Variants in MEF2A observed in about 807,000 individuals in gnomAD.
MEF2A encodes the protein myocyte enhancer factor 2A, also known as myocyte-specific enhancer factor 2A.
MEF2A carries 28 observed loss-of-function variants against 55.8 expected under a neutral mutation model. The ratio of observed to expected loss-of-function variants is 0.50; its 90% CI spans 0.37 to 0.69. MEF2A has a LOEUF of 0.69. Ranked by LOEUF, MEF2A falls within the 30% of genes least tolerant of loss-of-function variation. The pLI is 0.00. For synonymous variants in MEF2A, 239 were observed against 227.1 expected (o/e 1.05, Z -0.47); for missense variants, 528 against 626.2 (o/e 0.84, Z 1.67).
intron 2 of MEF2A, among the ~76,000 whole-genome samples, chr15:99,610,980 G>A (rs1224607721): frequency 6.6e-6 from 1 of 152,258 alleles, no homozygotes; most frequent in Non-Finnish European, 1.5e-5. Flanking sequence ...GTTGGCTCAT[G>A]CCTATAATCC....
At position 99,712,999 on chromosome 15, in the gene MEF2A, C is replaced by T; in HGVS notation, c.*228C>T. ...CTTGTAGGTCTGCAGATGTGTGTCCCATGGCAGACAAAGCACCCTGTAGGC... is the reference window on the plus strand; with the variant it reads ...CTTGTAGGTCTGCAGATGTGTGTCCTATGGCAGACAAAGCACCCTGTAGGC... On this transcript the variant is annotated 3_prime_UTR_variant, in exon 12 of 12. Coordinates refer to ENST00000557942, the MANE Select transcript of MEF2A (RefSeq NM_001319206.4). This position sits in a 1 kb window ranked among gnomAD's most constrained non-coding sequence, Gnocchi z 4.1. The T allele has an allele frequency of 1.8e-6, 1 of 554,424 alleles. No individual in the cohort carries two copies. The highest frequency in any genetic ancestry group is 3.2e-5 in the Admixed American group (1 of 31,316). The allele number at this position is 554,424 out of a possible 1,614,324, so 34.3% of individuals were successfully genotyped here.
At chr15:99,610,751 T>C (rs970382048) in intron 2 of MEF2A, among the ~76,000 whole-genome samples, 1 of 152,186 alleles carries the variant, frequency 6.6e-6, no homozygotes, top group African/African-American at 2.4e-5. Context: ...TTCAGACCTC[T>C]AACACTATAT....
At chr15:99,703,417 A>G in intron 9 of MEF2A, 32 bp downstream of exon 9, 1 of 1,585,900 alleles carries the variant, frequency 6.3e-7, no homozygotes, top group Non-Finnish European at 8.6e-7. Context: ...AAGGAAGTTG[A>G]AAAAGATGTA....
intron 8 of MEF2A, among the ~76,000 whole-genome samples, chr15:99,702,261 CCTT>C (rs1330564134): frequency 2.0e-5 from 3 of 152,158 alleles, no homozygotes; most frequent in Admixed American, 6.5e-5. Flanking sequence ...TACAGAGAAA[CCTT>C]CTTCCAGATT....
At chr15:99,577,969 CTT>C (rs1415709920) in intron 1 of MEF2A, among the ~76,000 whole-genome samples, 1 of 152,154 alleles carries the variant, frequency 6.6e-6, no homozygotes, top group Non-Finnish European at 1.5e-5. Context: ...ATGTCACTGT[CTT>C]ATTACTAATG....
intron 8 of MEF2A, among the ~76,000 whole-genome samples, chr15:99,697,920 A>G (rs1370383152): frequency 2.0e-5 from 3 of 152,214 alleles, no homozygotes; most frequent in Non-Finnish European, 4.4e-5. Flanking sequence ...ATTTACACCT[A>G]TACGTATATA....
At chr15:99,672,999 G>A (rs2051175684) in intron 5 of MEF2A, among the ~76,000 whole-genome samples, 1 of 152,132 alleles carries the variant, frequency 6.6e-6, no homozygotes, top group Non-Finnish European at 1.5e-5. Context: ...CTTTGTGGAT[G>A]TGCTTGTGTG....
intron 1 of MEF2A, among the ~76,000 whole-genome samples, chr15:99,572,013 G>GTTTTTTTTTTTTTTTTTTTTTTTTT (rs36027608): frequency 3.9e-5 from 5 of 128,374 alleles, no homozygotes; most frequent in African/African-American, 5.7e-5. Context: ...CTCCATAGAA[G>GTTTTTTTTTTTTTTTTTTTTTTTTT]TTTTTTTTTT....
intron 3 of MEF2A, among the ~76,000 whole-genome samples, chr15:99,640,882 C>T (rs891766232): frequency 1.3e-5 from 2 of 152,098 alleles, no homozygotes; most frequent in Non-Finnish European, 2.9e-5. Context: ...TCTGTGTTAT[C>T]TTTCAACCTT....
intron 3 of MEF2A, among the ~76,000 whole-genome samples, chr15:99,635,131 C>G (rs2043561294): frequency 6.6e-6 from 1 of 152,122 alleles, no homozygotes; most frequent in South Asian, 2.1e-4. Context: ...AATATATAGC[C>G]TACATAGGAG....
At position 99,692,590 on chromosome 15, in the gene MEF2A, CTG is replaced by C. The variant is rs780661435; in HGVS notation, c.858+2167_858+2168del. ...GGAGGCCAGGTGTACACTGACAGAA[CTG>C]TGTGAAACTCCTGGGGGCCGCAGTA... On this transcript the variant is annotated intron_variant, in intron 8 of 11. Coordinates refer to ENST00000557942, the MANE Select transcript of MEF2A (RefSeq NM_001319206.4). Among the ~76,000 whole-genome samples, 15 of 152,272 alleles carry C rather than the reference CTG, an allele frequency of 9.9e-5. No homozygotes were observed. The East Asian group carries it at 2.5e-3, about 25-fold the overall frequency.
In MEF2A at chr15:99,713,419, A is replaced by G. The variant is rs532147306; in HGVS notation, c.*648A>G. 6.6e-4 allele frequency: 109 copies of G among 165,368 alleles called. No homozygotes were observed. Among genetic ancestry groups the G allele is most frequent in the African/African-American group, 2.5e-3 (106 of 42,138 alleles). The allele number at this position is 165,368 out of a possible 1,614,324, so 10.2% of individuals were successfully genotyped here. ...AGTGATCTTTAGCTAATAAAGAAAG[A>G]GAATAGAAAACACGCATGAGATATT... On this transcript the variant is annotated 3_prime_UTR_variant, in exon 12 of 12. Transcript: ENST00000557942.
intron 1 of MEF2A, among the ~76,000 whole-genome samples, chr15:99,576,353 A>G (rs1374818402): frequency 1.3e-5 from 2 of 152,168 alleles, no homozygotes; most frequent in Non-Finnish European, 2.9e-5. Flanking sequence ...TGTTTTCCAA[A>G]ACATTTTAAA....
At chr15:99,648,591 A>G (rs1354327891) in intron 4 of MEF2A, among the ~76,000 whole-genome samples, 1 of 151,814 alleles carries the variant, frequency 6.6e-6, no homozygotes, top group Non-Finnish European at 1.5e-5. Flanking sequence ...AATGACACAA[A>G]CTCTGAAAAC....
intron 3 of MEF2A, among the ~76,000 whole-genome samples, chr15:99,637,490 C>T (rs1345966766): frequency 6.6e-6 from 1 of 152,136 alleles, no homozygotes; most frequent in African/African-American, 2.4e-5. Context: ...TAAAAGTATA[C>T]TTAAGAATTG....
rs1198050091 is a variant in MEF2A at position 99,571,493 on chromosome 15, C to G, written c.-225+5389C>G. ...TCATGGCTCACTTTATAATATGATTCCATCGTGTCTTTTGAGGCTCATTTT... is the reference window on the plus strand; with the variant it reads ...TCATGGCTCACTTTATAATATGATTGCATCGTGTCTTTTGAGGCTCATTTT... On this transcript the variant is annotated intron_variant, in intron 1 of 11. Coordinates refer to ENST00000557942, the MANE Select transcript of MEF2A (RefSeq NM_001319206.4). Among the ~76,000 whole-genome samples the G allele has an allele frequency of 2.6e-5, 4 of 152,086 alleles. No individual in the cohort carries two copies. In the East Asian group the frequency reaches 7.7e-4, roughly 29 times the overall value.
intron 2 of MEF2A, among the ~76,000 whole-genome samples, chr15:99,622,734 G>A (rs1307373065): frequency 7.2e-6 from 1 of 138,440 alleles, no homozygotes; most frequent in Non-Finnish European, 1.6e-5. Context: ...ATGGAGTCTC[G>A]CTCTGTCACC....
At chr15:99,694,837 T>C (rs1042022010) in intron 8 of MEF2A, among the ~76,000 whole-genome samples, 36 of 152,358 alleles carry the variant, frequency 2.4e-4, no homozygotes, top group African/African-American at 8.7e-4. Flanking sequence ...CATTTATTTC[T>C]ATCAATATGG....
intron 1 of MEF2A, among the ~76,000 whole-genome samples, chr15:99,582,020 C>T (rs988567081): frequency 2.0e-5 from 3 of 151,834 alleles, no homozygotes; most frequent in African/African-American, 4.8e-5. Context: ...GAGCTCGAGA[C>T]CAGTTTTTAA....
Sources: allele counts gnomAD v4.1 joint callset (sites outside exome capture counted in the v4.1 genomes callset), GRCh38; gene constraint gnomAD v4.1.1; non-coding constraint Gnocchi (gnomAD v3.1); transcripts MANE v1.5; gene names NCBI Gene and HGNC (gene_info 2026-07-23, HGNC 2026-07-21).